Variants in SUPT3H observed in about 807,000 individuals in gnomAD.
SUPT3H encodes the protein SPT3 homolog, SAGA and STAGA complex component, also known as transcription initiation protein SPT3 homolog.
A neutral mutation model predicts 44.3 loss-of-function variants in SUPT3H; 44 were observed. The ratio of observed to expected loss-of-function variants is 0.99; its 90% CI spans 0.78 to 1.28. The LOEUF is 1.28. SUPT3H is among the 50% of genes most tolerant of loss of function. SUPT3H has a pLI of 0.00. For missense variants in SUPT3H, 380 were observed against 387.1 expected (o/e 0.98, Z 0.15); for synonymous variants, 124 against 125.6 (o/e 0.99, Z 0.09).
chr6:45,178,954 G>A (rs1005372119), intron 2 of SUPT3H, among the ~76,000 whole-genome samples: 2 of 151,680 alleles, frequency 1.3e-5, no homozygotes, highest in Non-Finnish European at 2.9e-5. Flanking sequence ...ATGCCCACAA[G>A]AGAAAGCAGG....
chr6:45,005,896 T>C (rs1782654074), intron 5 of SUPT3H, among the ~76,000 whole-genome samples: 1 of 152,158 alleles, frequency 6.6e-6, no homozygotes, highest in African/African-American at 2.4e-5. Flanking sequence ...TCTGTAGATA[T>C]ATTGAAAAAA....
At chr6:45,027,022 C>A (rs1330718755) in intron 3 of SUPT3H, among the ~76,000 whole-genome samples, 1 of 128,156 alleles carries the variant, frequency 7.8e-6, no homozygotes, top group Non-Finnish European at 1.6e-5. Context: ...CAGGGTCTCA[C>A]TCTGTCATCC....
intron 4 of SUPT3H, among the ~76,000 whole-genome samples, chr6:45,017,805 C>T (rs1418022564): frequency 7.0e-6 from 1 of 142,122 alleles, no homozygotes; most frequent in African/African-American, 2.7e-5. Flanking sequence ...GTTCTTTTGG[C>T]TTAGGATTGA....
At chr6:45,147,020 C>A (rs192545128) in intron 2 of SUPT3H, among the ~76,000 whole-genome samples, 1 of 152,142 alleles carries the variant, frequency 6.6e-6, no homozygotes, top group Non-Finnish European at 1.5e-5. Flanking sequence ...AAATTCTAGA[C>A]ACTTTACCAG....
chr6:45,139,649 A>C (rs1804851689), intron 2 of SUPT3H, among the ~76,000 whole-genome samples: 1 of 152,194 alleles, frequency 6.6e-6, no homozygotes, highest in Admixed American at 6.5e-5. Flanking sequence ...TAACAGGAGA[A>C]GGATTTACCT....
intron 2 of SUPT3H, among the ~76,000 whole-genome samples, chr6:45,288,187 A>G (rs372161626): frequency 2.0e-5 from 3 of 152,090 alleles, no homozygotes; most frequent in East Asian, 3.9e-4. Context: ...CTTTCACAAT[A>G]TGATATCAAA....
At chr6:45,057,891 A>T (rs1791377857) in intron 3 of SUPT3H, among the ~76,000 whole-genome samples, 1 of 152,156 alleles carries the variant, frequency 6.6e-6, no homozygotes. Flanking sequence ...AGGACAAAGA[A>T]TTGCTTAAGT....
intron 3 of SUPT3H, among the ~76,000 whole-genome samples, chr6:45,094,992 A>C (rs1422898864): frequency 6.6e-6 from 1 of 152,016 alleles, no homozygotes; most frequent in East Asian, 1.9e-4. Context: ...GTTTATTCTA[A>C]ACATATGCTT....
At chr6:44,893,377 C>T (rs2153443191) in intron 10 of SUPT3H, among the ~76,000 whole-genome samples, 1 of 152,096 alleles carries the variant, frequency 6.6e-6, no homozygotes, top group Admixed American at 6.5e-5. Context: ...TCCCTCCCCC[C>T]TGCCCCCACC....
In SUPT3H at chr6:45,144,589, G is replaced by T. The variant is rs116721245; in HGVS notation, c.102-38583C>A. The stretch of plus-strand genomic sequence containing the variant: ...ATTGGAAAGAATTATCCCGAGAAAT[G>T]GAACAAGACAAGGATGCCCACTTTG... On this transcript the variant is annotated intron_variant, in intron 2 of 10. Transcript: ENST00000371459. Among the ~76,000 whole-genome samples the T allele has an allele frequency of 3.7e-3, 564 of 152,076 alleles. 8 individuals are homozygous for T. Among genetic ancestry groups the T allele is most frequent in the African/African-American group, 0.013 (519 of 41,506 alleles).
At chr6:44,862,156 A>G (rs1774759948) in intron 10 of SUPT3H, among the ~76,000 whole-genome samples, 1 of 152,040 alleles carries the variant, frequency 6.6e-6, no homozygotes. Context: ...GTTGGTAATA[A>G]CCTGACAATG....
chr6:45,296,676 T>A (rs1425531253), intron 2 of SUPT3H, among the ~76,000 whole-genome samples: 5 of 140,148 alleles, frequency 3.6e-5, no homozygotes, highest in African/African-American at 1.3e-4. Flanking sequence ...GACACGGAGG[T>A]TGCAGTGAGC....
intron 2 of SUPT3H, among the ~76,000 whole-genome samples, chr6:45,174,617 A>C (rs1353210126): frequency 6.6e-6 from 1 of 152,202 alleles, no homozygotes; most frequent in East Asian, 1.9e-4. Context: ...TGAGCTATAA[A>C]ACAGCACCTT....
At chr6:45,285,708 A>G (rs560109619) in intron 2 of SUPT3H, among the ~76,000 whole-genome samples, 1,832 of 152,250 alleles carry the variant, frequency 0.012, 42 homozygotes, top group African/African-American at 0.042. Context: ...CCATCAAGCT[A>G]CCAATGACTT....
intron 2 of SUPT3H, among the ~76,000 whole-genome samples, chr6:45,349,107 C>T (rs564461018): frequency 3.5e-4 from 54 of 152,182 alleles, no homozygotes; most frequent in African/African-American, 1.2e-3. Flanking sequence ...AATGTTACTG[C>T]CTATAATACA....
chr6:45,346,591 A>G (rs2150161539), intron 2 of SUPT3H, among the ~76,000 whole-genome samples: 1 of 140,708 alleles, frequency 7.1e-6, no homozygotes, highest in Non-Finnish European at 1.5e-5. Context: ...TTCTTGAGAT[A>G]GGGTCTCACT....
intron 10 of SUPT3H, among the ~76,000 whole-genome samples, chr6:44,869,464 C>T (rs916921264): frequency 3.3e-5 from 5 of 151,386 alleles, no homozygotes; most frequent in Non-Finnish European, 5.9e-5. Flanking sequence ...TAGGTTGAAA[C>T]AGACGATATT....
chr6:45,079,560 C>T (rs1203107830), intron 3 of SUPT3H, among the ~76,000 whole-genome samples: 1 of 152,004 alleles, frequency 6.6e-6, no homozygotes, highest in Non-Finnish European at 1.5e-5. Context: ...TATTACTGGG[C>T]TATAGTAACC....
rs1554355143 is a variant in SUPT3H, at chr6:45,346,563, A to ATTTC, written c.101+18634_101+18637dup. 5.3e-5 allele frequency among the ~76,000 whole-genome samples: 6 copies of ATTTC among 112,592 alleles called. No homozygotes were observed. In the East Asian group the frequency reaches 1.4e-3, roughly 26 times the overall value. The allele number at this position is 112,592 out of a possible 152,430, so 73.9% of individuals were successfully genotyped here. On this transcript the variant is annotated intron_variant, in intron 2 of 10. Coordinates refer to ENST00000371459, the MANE Select transcript of SUPT3H (RefSeq NM_003599.4). The stretch of plus-strand genomic sequence containing the variant: ...GGCATATAATAGGAATTCAATAAAC[A>ATTTC]TTTCTTTTTTTTTTTTTTTCTTGAG...
Sources: allele counts gnomAD v4.1 joint callset (sites outside exome capture counted in the v4.1 genomes callset), GRCh38; gene constraint gnomAD v4.1.1; transcripts MANE v1.5; gene names NCBI Gene and HGNC (gene_info 2026-07-23, HGNC 2026-07-21).